PGK1: variants seen among roughly 807,000 people sequenced by gnomAD.
The protein encoded by PGK1 is phosphoglycerate kinase 1, also known as PRP 2.
In PGK1, 3 loss-of-function variants were observed where a neutral mutation model predicts 26.9. The ratio of observed to expected loss-of-function variants is 0.11; its 90% confidence interval spans 0.05 to 0.29. The LOEUF (loss-of-function observed/expected upper bound fraction) is 0.29. Among genes scored for constraint, PGK1 ranks in the 10% least tolerant of loss-of-function variants. PGK1 has a pLI of 1.00. For missense variants in PGK1, 270 were observed against 314.7 expected, an observed-to-expected ratio of 0.86 and a Z score of 1.07; for synonymous variants, 125 against 115.3, an observed-to-expected ratio of 1.08 and a Z score of -0.54.
At chrX:78,108,248 T>C (rs1395538455) in intron 1 of PGK1, among the ~76,000 whole-genome samples, 6 of 112,131 alleles carry the variant, frequency 5.4e-5, no homozygotes, top group African/African-American at 1.6e-4. Context: ...GGGTAGAGAG[T>C]AGCACTGCAA....
At chrX:78,122,286 A>G (rs2078358837) in intron 6 of PGK1, among the ~76,000 whole-genome samples, 1 of 111,184 alleles carries the variant, frequency 9.0e-6, no homozygotes, top group African/African-American at 3.3e-5. Context: ...TGTTCAGTAT[A>G]TATTTATTTA....
intron 6 of PGK1, among the ~76,000 whole-genome samples, chrX:78,119,963 A>C (rs988404211): frequency 1.8e-5 from 2 of 111,630 alleles, no homozygotes; most frequent in Admixed American, 1.9e-4. Flanking sequence ...TGTTCTTGGA[A>C]AAAGGTATCT....
chrX:78,122,815 A>C lies in PGK1; in HGVS notation c.642-20A>C, dbSNP rs201622343. On this transcript the variant is annotated intron_variant, in intron 6 of 10. Coordinates refer to ENST00000373316, the MANE Select transcript of PGK1 (RefSeq NM_000291.4). ...CTAGTCCATTCTTCTTTAAGTGATG[A>C]TTCTTGCTTTCTCTTGTAGAGCTAA... 59 of 954,582 alleles carry C rather than the reference A, an allele frequency of 6.2e-5. No homozygotes were observed. The highest frequency in any genetic ancestry group is 4.4e-4 in the African/African-American group (23 of 52,184). 78.7% of individuals were successfully genotyped at this position (954,582 alleles called of 1,213,427 possible).
At chrX:78,113,501 C>T (rs2078311183) in intron 2 of PGK1, among the ~76,000 whole-genome samples, 2 of 111,358 alleles carry the variant, frequency 1.8e-5, no homozygotes, top group African/African-American at 3.3e-5. Flanking sequence ...ATAGTAGCCT[C>T]AGGCCTGCTG....
chrX:78,114,526 C>A (rs1387643803), intron 4 of PGK1, among the ~76,000 whole-genome samples: 1 of 110,741 alleles, frequency 9.0e-6, no homozygotes, highest in Non-Finnish European at 1.9e-5. Context: ...TCCTTTAAAT[C>A]TCTCTTTAAG....
At chrX:78,118,265 T>A in intron 6 of PGK1, 95 bp downstream of exon 6, 1 of 917,366 alleles carries the variant, frequency 1.1e-6, no homozygotes, top group Non-Finnish European at 1.6e-6. Context: ...TCAGTCACAC[T>A]GGGTAACTGA....
In PGK1 at chrX:78,128,128, A is replaced by C. The variant is rs182851482; in HGVS notation, c.*2298A>C. On this transcript the variant is annotated 3_prime_UTR_variant, in exon 11 of 11. Transcript: ENST00000373316. ...TCATAAACAACTTGTCAATTAGGCAAATATTTGAGTTCCTTCTATGTGCTT... is the reference window on the plus strand; with the variant it reads ...TCATAAACAACTTGTCAATTAGGCACATATTTGAGTTCCTTCTATGTGCTT... 8.8e-6 allele frequency: 1 copy of C among 113,043 alleles called. No homozygotes were observed. The highest frequency in any genetic ancestry group is 1.9e-5 in the Non-Finnish European group (1 of 53,411). 9.3% of individuals were successfully genotyped at this position (113,043 alleles called of 1,213,427 possible).
chrX:78,107,460 C>T (rs1404701515), intron 1 of PGK1, among the ~76,000 whole-genome samples: 1 of 111,663 alleles, frequency 9.0e-6, no homozygotes, highest in Non-Finnish European at 1.9e-5. Context: ...TTTGTCACTT[C>T]AAAAATACTA....
At chrX:78,117,915 G>T in intron 5 of PGK1, 136 bp from the exon 6 acceptor site, 2 of 612,673 alleles carry the variant, frequency 3.3e-6, no homozygotes, top group Admixed American at 5.1e-5. Flanking sequence ...AGTGTTTTTT[G>T]TTGCAATGTA....
intron 1 of PGK1, among the ~76,000 whole-genome samples, 168 bp from the exon 2 acceptor site, chrX:78,109,699 T>G (rs1557246660): frequency 9.0e-6 from 1 of 111,263 alleles, no homozygotes; most frequent in Non-Finnish European, 1.9e-5. Context: ...CAGTCACCAC[T>G]CCCGCCATCC....
chrX:78,106,214 T>C (rs1187974257), intron 1 of PGK1, among the ~76,000 whole-genome samples: 1 of 111,772 alleles, frequency 8.9e-6, no homozygotes, highest in Non-Finnish European at 1.9e-5. Context: ...CCTGTTTTGC[T>C]GATGGAAAAT....
Position 78,128,116 on chromosome X carries a change from G to T in PGK1, c.*2286G>T, listed in dbSNP as rs2078390772. 8.9e-6 allele frequency: 1 copy of T among 112,786 alleles called. No homozygotes were observed. The highest frequency in any genetic ancestry group is 1.9e-5 in the Non-Finnish European group (1 of 53,382). The allele number at this position is 112,786 out of a possible 1,213,427, so 9.3% of individuals were successfully genotyped here. On this transcript the variant is annotated 3_prime_UTR_variant, in exon 11 of 11. Transcript: ENST00000373316. ...GGGAATCTCCAGTCATAAACAACTT[G>T]TCAATTAGGCAAATATTTGAGTTCC...
chrX:78,108,164 C>A (rs1557246452), intron 1 of PGK1, among the ~76,000 whole-genome samples: 2 of 111,330 alleles, frequency 1.8e-5, no homozygotes, highest in African/African-American at 6.5e-5. Context: ...TAAGCTGACA[C>A]CATGGCAGCT....
chrX:78,119,074 T>A (rs2149134481), intron 6 of PGK1, among the ~76,000 whole-genome samples: 1 of 111,491 alleles, frequency 9.0e-6, no homozygotes, highest in Admixed American at 9.5e-5. Flanking sequence ...GCTTGAGCCT[T>A]ATAACCTGGC....
At chrX:78,122,805 T>C in intron 6 of PGK1, 30 bp from the exon 7 acceptor site, 1 of 854,692 alleles carries the variant, frequency 1.2e-6, no homozygotes, top group Non-Finnish European at 1.8e-6. Flanking sequence ...CCATTCTTCT[T>C]TAAGTGATGA....
intron 6 of PGK1, 48 bp downstream of exon 6, chrX:78,118,218 A>G: frequency 8.5e-7 from 1 of 1,177,138 alleles, no homozygotes; most frequent in Non-Finnish European, 1.2e-6. Flanking sequence ...TTTGCCTGGT[A>G]GTAGGCCATA....
At chrX:78,117,513 C>G (rs1023329353) in intron 5 of PGK1, 98 bp downstream of exon 5, 1 of 577,836 alleles carries the variant, frequency 1.7e-6, no homozygotes, top group Non-Finnish European at 3.0e-6. Context: ...TTGTATTATA[C>G]TGTAATCCTT....
chrX:78,125,062 C>G lies in PGK1; in HGVS notation c.1114+11C>G. 2 of 1,189,589 alleles carry G rather than the reference C, an allele frequency of 1.7e-6. No homozygotes were observed. Among genetic ancestry groups the G allele is most frequent in the East Asian group, 3.0e-5 (1 of 33,790 alleles). ...GCATCACCATCATAGGTAAGCGGTCCTATACAAAGCTAATACCCATATAAG... is the reference window on the plus strand; with the variant it reads ...GCATCACCATCATAGGTAAGCGGTCGTATACAAAGCTAATACCCATATAAG... On this transcript the variant is annotated intron_variant, in intron 9 of 10. Transcript: ENST00000373316.
At position 78,109,925 on chromosome X, in the gene PGK1, C is replaced by A; in HGVS notation, c.116+8C>A. The A allele has an allele frequency of 1.8e-6, 2 of 1,136,683 alleles. No individual in the cohort carries two copies. Among genetic ancestry groups the A allele is most frequent in the South Asian group, 1.8e-5 (1 of 55,299 alleles). The allele number at this position is 1,136,683 out of a possible 1,213,427, so 93.7% of individuals were successfully genotyped here. A position where few individuals can be genotyped will look rare whatever the true frequency, so the allele number is the denominator to read the frequency against. On this transcript the variant is annotated splice_region_variant and intron_variant, in intron 2 of 10. Transcript: ENST00000373316. ...GATAACAAACAACCAGAGGTAAGGT[C>A]CCTGCTAATCCTTGGGCTGGGTTTA...
Sources: allele counts gnomAD v4.1 joint callset (sites outside exome capture counted in the v4.1 genomes callset), GRCh38; gene constraint gnomAD v4.1.1; transcripts MANE v1.5; gene names NCBI Gene and HGNC (gene_info 2026-07-23, HGNC 2026-07-21).